The following CLSTN3 variants were observed in gnomAD, a reference collection of about 807,000 sequenced individuals.
The protein encoded by CLSTN3 is calsyntenin-3.
Under a neutral mutation model 95.9 loss-of-function variants are expected in CLSTN3, and 36 were observed. The observed-to-expected ratio is 0.38, with a 90% CI of 0.29 to 0.50. CLSTN3 has a LOEUF of 0.50. Ranked by LOEUF, CLSTN3 falls within the 20% of genes least tolerant of loss-of-function variation. The pLI is 0.95. For missense variants in CLSTN3, 1,084 were observed against 1,268.8 expected (o/e 0.85, Z 2.21); for synonymous variants, 481 against 504.0 (o/e 0.95, Z 0.61).
At chr12:7,156,892 CAGG>C in intron 16 of CLSTN3, 1 of 454,030 alleles carries the variant, frequency 2.2e-6, no homozygotes, top group East Asian at 6.9e-5. Context: ...CCAAGCCCAC[CAGG>C]AGAAGGGAGG....
intron 8 of CLSTN3, among the ~76,000 whole-genome samples, chr12:7,139,873 T>A (rs1180631400): frequency 1.3e-5 from 2 of 152,238 alleles, no homozygotes; most frequent in East Asian, 3.9e-4. Context: ...GGTCTTGATC[T>A]CTTGACGTGA....
upstream of CLSTN3, chr12:7,130,283 T>TC (rs1344528131): frequency 3.1e-5 from 21 of 686,792 alleles, no homozygotes; most frequent in Admixed American, 4.8e-5. Context: ...ATTGGCTCCC[T>TC]CCCCCGCTGC....
At chr12:7,151,643 C>A (rs989615414) in intron 16 of CLSTN3, among the ~76,000 whole-genome samples, 1 of 152,202 alleles carries the variant, frequency 6.6e-6, no homozygotes, top group African/African-American at 2.4e-5. Context: ...TTCAAAGCAA[C>A]CTGGCCGTGG....
intron 10 of CLSTN3, 141 bp downstream of exon 10, chr12:7,142,280 A>AG (rs2135804371): frequency 2.9e-6 from 2 of 683,382 alleles, no homozygotes; most frequent in Non-Finnish European, 5.0e-6. Context: ...GAAATACAGC[A>AG]GGGCAGGGGC....
chr12:7,140,069 T>G (rs1475360682), intron 8 of CLSTN3, among the ~76,000 whole-genome samples: 2 of 152,148 alleles, frequency 1.3e-5, no homozygotes, highest in African/African-American at 4.8e-5. Flanking sequence ...ATGACTGATG[T>G]GTGGCAATGG....
Position 7,142,151 on chromosome 12 carries a change from G to C in CLSTN3, c.1540+12G>C. 1 of 1,600,562 alleles carries C rather than the reference G, an allele frequency of 6.2e-7. No individual in the cohort carries two copies. Among genetic ancestry groups the C allele is most frequent in the Non-Finnish European group, 8.6e-7 (1 of 1,169,012 alleles). ...AGACACCACCCAAGGTACTCCGTGT[G>C]TAAGAACTGGAGACCAGAGAGTTCT... On this transcript the variant is annotated intron_variant, in intron 10 of 17. Coordinates refer to ENST00000266546, the MANE Select transcript of CLSTN3 (RefSeq NM_014718.4).
chr12:7,136,736 T>G lies in CLSTN3; in HGVS notation c.929-93T>G, dbSNP rs773754875. The stretch of plus-strand genomic sequence containing the variant: ...GTGGCAAGACGTGCTGTAGGAAATC[T>G]TTTCCCATCAGTCCCTCTTTCCCTG... On this transcript the variant is annotated intron_variant, in intron 6 of 17. Transcript: ENST00000266546. 80 of 1,420,678 alleles carry G rather than the reference T, an allele frequency of 5.6e-5. No individual in the cohort carries two copies. In the East Asian group the frequency reaches 1.8e-3, roughly 31 times the overall value. The allele number at this position is 1,420,678 out of a possible 1,614,324, so 88.0% of individuals were successfully genotyped here.
chr12:7,142,749 C>G, intron 10 of CLSTN3, 120 bp from the exon 11 acceptor site: 1 of 298,038 alleles, frequency 3.4e-6, no homozygotes. Flanking sequence ...TTCCACATTT[C>G]TCCTTTTTTT....
In CLSTN3 at chr12:7,130,602, T is replaced by A. The variant is rs1412781009; in HGVS notation, c.-47T>A. 9.7e-6 allele frequency: 15 copies of A among 1,551,094 alleles called. No individual in the cohort carries two copies. Among genetic ancestry groups the A allele is most frequent in the Non-Finnish European group, 1.3e-5 (15 of 1,147,550 alleles). ...AAGGTGGAATCCGCAGGCTGGAGGC[T>A]CCCAGGGGAGGCAAACGCCTGGCCC... On this transcript the variant is annotated 5_prime_UTR_variant, in exon 1 of 18. Coordinates refer to ENST00000266546, the MANE Select transcript of CLSTN3 (RefSeq NM_014718.4).
rs755346105 is a variant in CLSTN3 at position 7,141,750 on chromosome 12, G to A, written c.1487-336G>A. 2.0e-5 allele frequency among the ~76,000 whole-genome samples: 3 copies of A among 152,096 alleles called. No individual in the cohort carries two copies. Among genetic ancestry groups the A allele is most frequent in the Non-Finnish European group, 2.9e-5 (2 of 68,048 alleles). On this transcript the variant is annotated intron_variant, in intron 9 of 17. Transcript: ENST00000266546. This position sits in a 1 kb window ranked among gnomAD's most constrained non-coding sequence, Gnocchi z 4.1. ...GAGAGTAACCCCTTAGAGTGTCCTC[G>A]GTCTTCCAACTTTTAAGCCATTGAA... is the stretch of plus-strand genomic sequence containing the variant.
Position 7,149,587 on chromosome 12 carries a change from G to C in CLSTN3, c.2139G>C (p.Val713=), listed in dbSNP as rs750732055. The change falls in exon 14 of 18, where the codon GTG becomes GTC. Residue 713 remains valine (V), a synonymous_variant. Coordinates refer to ENST00000266546, the MANE Select transcript of CLSTN3 (RefSeq NM_014718.4). The surrounding 1 kb of genome is among the most constrained non-coding windows in gnomAD (Gnocchi z 4.5). ...HNLDGCEISL[V]GDDLDPERES... is the part of the protein sequence containing the mutation. ...TGGATGGCTGTGAAATTTCTCTGGT[G>C]GGGGATGACCTGGATCCCGAGCGGG... The C allele has an allele frequency of 1.2e-5, 20 of 1,614,178 alleles. 1 individual carries two copies. Among genetic ancestry groups the C allele is most frequent in the South Asian group, 9.9e-5 (9 of 91,080 alleles).
At chr12:7,142,704 ATCTC>A (rs751289666) in intron 10 of CLSTN3, among the ~76,000 whole-genome samples, 161 bp from the exon 11 acceptor site, 47 of 112,660 alleles carry the variant, frequency 4.2e-4, no homozygotes, top group African/African-American at 1.0e-3. Context: ...CTCACCTCTC[ATCTC>A]TCTTTTTTCC....
intron 1 of CLSTN3, among the ~76,000 whole-genome samples, chr12:7,132,206 T>G (rs1013171087): frequency 1.3e-5 from 2 of 152,074 alleles, no homozygotes; most frequent in Non-Finnish European, 2.9e-5. Flanking sequence ...GATTGAGTTC[T>G]GTATAAAAAG....
In CLSTN3 at chr12:7,133,847, G is replaced by A. The variant is rs182971253; in HGVS notation, c.383+79G>A. 1.3e-4 allele frequency: 165 copies of A among 1,230,014 alleles called. No homozygotes were observed. The East Asian group carries it at 3.5e-3, about 26-fold the overall frequency. The allele number at this position is 1,230,014 out of a possible 1,614,324, so 76.2% of individuals were successfully genotyped here. ...CCCAAGCCCACCATCCTCTGTCCGTGCGGTCATCGAATATCCACCCCCACC... is the reference window on the plus strand; with the variant it reads ...CCCAAGCCCACCATCCTCTGTCCGTACGGTCATCGAATATCCACCCCCACC... On this transcript the variant is annotated intron_variant, in intron 3 of 17. Transcript: ENST00000266546. The surrounding 1 kb of genome is among the most constrained non-coding windows in gnomAD (Gnocchi z 4.7).
In CLSTN3 at chr12:7,137,989, C is replaced by T. The variant is rs147478372; in HGVS notation, c.1245C>T (p.His415=). The T allele has an allele frequency of 2.7e-5, 44 of 1,613,984 alleles. No individual in the cohort carries two copies. Among genetic ancestry groups the T allele is most frequent in the South Asian group, 7.7e-5 (7 of 91,086 alleles). The change falls in exon 8 of 18, where the codon CAC becomes CAT. Residue 415 remains histidine (H), a synonymous_variant. Coordinates refer to ENST00000266546, the MANE Select transcript of CLSTN3 (RefSeq NM_014718.4). This position sits in a 1 kb window ranked among gnomAD's most constrained non-coding sequence, Gnocchi z 4.4. The part of the protein sequence containing the change: ...DGFSHYSLTV[H]GCRIAFLYWP... Reference sequence around the variant, plus strand: ...TCTCTCACTACTCGCTGACTGTCCACGGCTGTAGGATTGCCTTCCTCTACT... The same window carrying T: ...TCTCTCACTACTCGCTGACTGTCCATGGCTGTAGGATTGCCTTCCTCTACT...
At chr12:7,156,911 C>T (rs530122441) in intron 16 of CLSTN3, 1,095 of 448,744 alleles carry the variant, frequency 2.4e-3, no homozygotes, top group Non-Finnish European at 3.4e-3. Context: ...GGAGGTGTCA[C>T]GGAGTGAGCT....
intron 12 of CLSTN3, among the ~76,000 whole-genome samples, chr12:7,148,155 A>C (rs1331193316): frequency 7.2e-6 from 1 of 139,138 alleles, no homozygotes; most frequent in East Asian, 2.2e-4. Context: ...AAACTCCATC[A>C]AAAAGAAAGA....
rs1057209846 is a variant in CLSTN3, at chr12:7,141,040, T to C, written c.1324-202T>C. On this transcript the variant is annotated intron_variant, in intron 8 of 17. Transcript: ENST00000266546. This position sits in a 1 kb window ranked among gnomAD's most constrained non-coding sequence, Gnocchi z 4.1. ...TTTACCTGAAGAGTGGAATCTTTGC[T>C]ACTAGGTTGGTTGCCTGATAGATTT... Among the ~76,000 whole-genome samples, 4 of 152,258 alleles carry C rather than the reference T, an allele frequency of 2.6e-5. No individual in the cohort carries two copies. Among genetic ancestry groups the C allele is most frequent in the South Asian group, 2.1e-4 (1 of 4,836 alleles).
At position 7,135,816 on chromosome 12, in the gene CLSTN3, A is replaced by G. The variant is rs1191833070; in HGVS notation, c.605A>G (p.Asn202Ser). 1.9e-6 allele frequency: 3 copies of G among 1,608,280 alleles called. No individual in the cohort carries two copies. The highest frequency in any genetic ancestry group is 2.5e-6 in the Non-Finnish European group (3 of 1,177,152). Residue 202 changes from asparagine (N) to serine (S), a missense_variant, in exon 5 of 18, where the codon AAC becomes AGC. Transcript: ENST00000266546. ...FLIDNDGNIE[N>S]TEKLQYSGER... ...GACCCCACCCCAGGGAACATTGAGA[A>G]CACAGAGAAGCTGCAGTACAGTGGT...
Sources: allele counts gnomAD v4.1 joint callset (sites outside exome capture counted in the v4.1 genomes callset), GRCh38; gene constraint gnomAD v4.1.1; non-coding constraint Gnocchi (gnomAD v3.1); transcripts MANE v1.5; gene names NCBI Gene and HGNC (gene_info 2026-07-23, HGNC 2026-07-21).